Variants in CERT1 observed in about 807,000 individuals in gnomAD.
The protein encoded by CERT1 is ceramide transporter 1.
A neutral mutation model predicts 87.9 loss-of-function variants in CERT1; 31 were observed. That is an observed-to-expected ratio of 0.35 (90% CI 0.27 to 0.48). CERT1 has a LOEUF of 0.48. Among genes scored for constraint, CERT1 ranks in the 20% least tolerant of loss-of-function variants. The probability of loss-of-function intolerance (pLI) is 0.99; values close to 1 mark genes in which losing one functional copy is unlikely to be tolerated. For missense variants in CERT1, 487 were observed against 758.0 expected (o/e 0.64, Z 4.20); for synonymous variants, 289 against 250.9 (o/e 1.15, Z -1.44).
intron 2 of CERT1, among the ~76,000 whole-genome samples, chr5:75,475,243 T>C (rs1292108045): frequency 6.6e-6 from 1 of 152,124 alleles, no homozygotes; most frequent in African/African-American, 2.4e-5. Context: ...AGCCAGACAT[T>C]TCAATTTTCT....
chr5:75,401,925 C>T (rs1762510479), intron 9 of CERT1: 1 of 152,062 alleles, frequency 6.6e-6, no homozygotes, highest in African/African-American at 2.4e-5. Context: ...TTAATACTTG[C>T]CCCCCAAAAA....
At chr5:75,370,189 T>C (rs974687144) in intron 17 of CERT1, 10 of 152,220 alleles carry the variant, frequency 6.6e-5, no homozygotes, top group Non-Finnish European at 1.3e-4. Flanking sequence ...GATTAAGTAG[T>C]TGGCTTTTGT....
intron 7 of CERT1, among the ~76,000 whole-genome samples, chr5:75,415,993 A>C (rs1763118394): frequency 6.6e-6 from 1 of 152,140 alleles, no homozygotes; most frequent in Non-Finnish European, 1.5e-5. Context: ...TTTTCTTCTA[A>C]AACATGGGAA....
At chr5:75,482,868 A>C (rs1766319325) in intron 2 of CERT1, among the ~76,000 whole-genome samples, 1 of 152,224 alleles carries the variant, frequency 6.6e-6, no homozygotes, top group Non-Finnish European at 1.5e-5. Context: ...GGGACTGATC[A>C]CAACAGTCAG....
At chr5:75,464,813 C>T (rs1708024180) in intron 2 of CERT1, among the ~76,000 whole-genome samples, 1 of 152,098 alleles carries the variant, frequency 6.6e-6, no homozygotes, top group African/African-American at 2.4e-5. Context: ...CCTGGACTCA[C>T]ACAACCCATC....
chr5:75,395,074 G>T (rs925419715), intron 11 of CERT1, among the ~76,000 whole-genome samples: 6 of 152,194 alleles, frequency 3.9e-5, no homozygotes, highest in African/African-American at 1.4e-4. Flanking sequence ...GACAAAGGGT[G>T]GGAAAGAGCC....
At chr5:75,380,666 T>C (rs575468023) in intron 16 of CERT1, among the ~76,000 whole-genome samples, 1 of 148,466 alleles carries the variant, frequency 6.7e-6, no homozygotes, top group South Asian at 2.1e-4. Flanking sequence ...TGGGCACCTG[T>C]AATCCCAGCT....
At chr5:75,461,971 A>C (rs1490172145) in intron 2 of CERT1, among the ~76,000 whole-genome samples, 1 of 152,226 alleles carries the variant, frequency 6.6e-6, no homozygotes, top group Non-Finnish European at 1.5e-5. Flanking sequence ...TTCATTCAGT[A>C]ACAATCAATC....
At chr5:75,408,337 T>C (rs928409678) in intron 8 of CERT1, among the ~76,000 whole-genome samples, 2 of 152,164 alleles carry the variant, frequency 1.3e-5, no homozygotes, top group Admixed American at 6.5e-5. Flanking sequence ...GGTAGACATA[T>C]AGCTTAGAAG....
At chr5:75,374,636 C>T (rs1761219474), downstream of CERT1, 2 of 655,088 alleles carry the variant, frequency 3.1e-6, no homozygotes, top group Non-Finnish European at 5.7e-6. Flanking sequence ...AAGCGAGTGT[C>T]TTTGATGTCT....
chr5:75,419,511 G>A, intron 5 of CERT1, 87 bp from the exon 6 acceptor site: 4 of 874,452 alleles, frequency 4.6e-6, no homozygotes, highest in African/African-American at 1.7e-5. Flanking sequence ...ATTTTACTCT[G>A]GATTCTGATT....
intron 5 of CERT1, 56 bp from the exon 6 acceptor site, chr5:75,419,480 A>AT: frequency 1.0e-5 from 12 of 1,174,188 alleles, no homozygotes; most frequent in Non-Finnish European, 1.5e-5. Context: ...ATTAATGTCT[A>AT]TTCTTATGTT....
intron 17 of CERT1, chr5:75,372,295 G>T (rs1364829290): frequency 6.6e-6 from 1 of 152,042 alleles, no homozygotes; most frequent in Non-Finnish European, 1.5e-5. Context: ...CAGCGGCTAT[G>T]GTGAATAAAC....
chr5:75,467,199 A>C (rs1765491072), intron 2 of CERT1, among the ~76,000 whole-genome samples: 1 of 152,218 alleles, frequency 6.6e-6, no homozygotes, highest in Non-Finnish European at 1.5e-5. Flanking sequence ...GAGTGAAATA[A>C]GCCAATCTCA....
At chr5:75,511,706 CCGG>C, upstream of CERT1, 3 of 1,544,268 alleles carry the variant, frequency 1.9e-6, no homozygotes, top group Non-Finnish European at 1.7e-6. Context: ...CGTCCCCCTC[CCGG>C]CGTCTGACGC....
chr5:75,429,177 A>ATAG (rs1763758823), intron 3 of CERT1, among the ~76,000 whole-genome samples: 1 of 144,134 alleles, frequency 6.9e-6, no homozygotes, highest in African/African-American at 2.6e-5. Context: ...TAGAAACTGA[A>ATAG]TAATAATAAT....
In CERT1 at chr5:75,511,338, A is replaced by T; in HGVS notation, c.-131T>A. 6.5e-7 allele frequency: 1 copy of T among 1,544,656 alleles called. No individual in the cohort carries two copies. Among genetic ancestry groups the T allele is most frequent in the East Asian group, 2.4e-5 (1 of 40,848 alleles). ...TGCCCGCTCCGGTGTGGGGGGGAGC[A>T]GGAGGAGGGACGAAGTCCGCCCGCC... On this transcript the variant is annotated 5_prime_UTR_variant, in exon 1 of 17. Coordinates refer to ENST00000643780, the MANE Select transcript of CERT1 (RefSeq NM_001379029.1).
At chr5:75,485,312 C>CAAAAAAAAAAAAAAAAAAAAAAA (rs757349878) in intron 2 of CERT1, among the ~76,000 whole-genome samples, 8 of 46,446 alleles carry the variant, frequency 1.7e-4, no homozygotes, top group East Asian at 6.0e-4. Flanking sequence ...CACAAAAATA[C>CAAAAAAAAAAAAAAAAAAAAAAA]AAAAAAAAAA....
intron 3 of CERT1, among the ~76,000 whole-genome samples, chr5:75,445,202 T>C (rs1764488037): frequency 6.6e-6 from 1 of 152,258 alleles, no homozygotes; most frequent in South Asian, 2.1e-4. Flanking sequence ...CTTAAACATG[T>C]ATCATTTTCT....
Sources: gnomAD v4.1 joint callset for allele counts (sites outside exome capture counted in the v4.1 genomes callset) on GRCh38, gnomAD v4.1.1 for gene constraint, MANE v1.5 for transcripts, NCBI Gene and HGNC (gene_info 2026-07-23, HGNC 2026-07-21) for gene names.